The following HSPA4L variants were observed in gnomAD, a reference collection of about 807,000 sequenced individuals.
The protein encoded by HSPA4L is heat shock protein family A (Hsp70) member 4 like.
A neutral mutation model predicts 100.3 loss-of-function variants in HSPA4L; 48 were observed. That is an observed-to-expected ratio of 0.48 (90% CI 0.38 to 0.61). The LOEUF is 0.61. HSPA4L is among the 20% of genes least tolerant of loss of function. HSPA4L has a pLI of 0.00. For missense variants in HSPA4L, 886 were observed against 988.6 expected (o/e 0.90, Z 1.39); for synonymous variants, 319 against 328.2 (o/e 0.97, Z 0.30).
intron 4 of HSPA4L, among the ~76,000 whole-genome samples, chr4:127,800,357 A>G (rs1167012051): frequency 6.6e-6 from 1 of 151,948 alleles, no homozygotes; most frequent in Non-Finnish European, 1.5e-5. Flanking sequence ...AGTCTCAGCT[A>G]CTCAGGGGGC....
Position 127,805,703 on chromosome 4 carries a change from C to T in HSPA4L, c.1154C>T (p.Pro385Leu). Residue 385 changes from proline (P) to leucine (L), a missense_variant, in exon 10 of 19, where the codon CCA (proline) becomes CTA (leucine). Pro to Leu is a moderately conservative substitution (Grantham distance 98). Coordinates refer to ENST00000296464, the MANE Select transcript of HSPA4L (RefSeq NM_014278.4). ...TATTTTCAGTGTGCGATTCTCTCACCAGCATTTAAAGTGCGTGAATTTTCC... is the reference window on the plus strand; with the variant it reads ...TATTTTCAGTGTGCGATTCTCTCACTAGCATTTAAAGTGCGTGAATTTTCC... ...GCALQCAILS[P>L]AFKVREFSIT... 1.2e-6 allele frequency: 2 copies of T among 1,611,296 alleles called. No individual in the cohort carries two copies. Among genetic ancestry groups the T allele is most frequent in the Non-Finnish European group, 1.7e-6 (2 of 1,178,088 alleles).
At chr4:127,809,564 A>G (rs1733469098) in intron 11 of HSPA4L, 1 of 705,022 alleles carries the variant, frequency 1.4e-6, no homozygotes, top group Admixed American at 2.1e-5. Flanking sequence ...GTGACTTTCA[A>G]AATTTTGGTG....
At position 127,820,532 on chromosome 4, in the gene HSPA4L, C is replaced by T. The variant is rs908324075; in HGVS notation, c.1779C>T (p.Gly593=). ...AGAGTAGCCTATGTAGACAACTAGG[C>T]CAAGATCTTCTCAACAGCTACATTG... ...PIQSSLCRQL[G]QDLLNSYIEN... is the part of the protein sequence containing the mutation. The change falls in exon 14 of 19, where the codon GGC becomes GGT. Residue 593 remains glycine, a synonymous_variant. Coordinates refer to ENST00000296464, the MANE Select transcript of HSPA4L (RefSeq NM_014278.4). 1.2e-6 allele frequency: 2 copies of T among 1,600,060 alleles called. No individual in the cohort carries two copies. Among genetic ancestry groups the T allele is most frequent in the Admixed American group, 1.7e-5 (1 of 57,272 alleles).
At chr4:127,805,937 A>C (rs770507380) in intron 10 of HSPA4L, 144 bp downstream of exon 10, 1 of 498,984 alleles carries the variant, frequency 2.0e-6, no homozygotes, top group Admixed American at 3.4e-5. Flanking sequence ...TAAAAATGAT[A>C]TATCACCTAT....
chr4:127,805,721 A>C lies in HSPA4L; in HGVS notation c.1172A>C (p.Glu391Ala), dbSNP rs377432911. 6.2e-7 allele frequency: 1 copy of C among 1,612,794 alleles called. No individual in the cohort carries two copies. Among genetic ancestry groups the C allele is most frequent in the African/African-American group, 1.3e-5 (1 of 75,006 alleles). The change falls in exon 10 of 19, where the codon GAA becomes GCA. Residue 391 changes from glutamate to alanine, a missense_variant. Physicochemically the swap from Glu to Ala is moderately radical, Grantham distance 107. Transcript: ENST00000296464. ...AILSPAFKVREFSITDLVPYS... is the reference protein window; with the variant it reads ...AILSPAFKVRAFSITDLVPYS... ...CTCTCACCAGCATTTAAAGTGCGTGAATTTTCCATAACAGACCTTGTTCCC... is the reference window on the plus strand; with the variant it reads ...CTCTCACCAGCATTTAAAGTGCGTGCATTTTCCATAACAGACCTTGTTCCC...
chr4:127,798,539 T>C (rs1269725259), intron 3 of HSPA4L, 48 bp from the exon 4 acceptor site: 32 of 1,596,584 alleles, frequency 2.0e-5, no homozygotes, highest in Non-Finnish European at 2.7e-5. Flanking sequence ...TGAATATTTG[T>C]TGGATAAACA....
chr4:127,797,520 A>G (rs970233756), intron 3 of HSPA4L, among the ~76,000 whole-genome samples: 10 of 152,094 alleles, frequency 6.6e-5, no homozygotes, highest in African/African-American at 1.9e-4. Context: ...ACTTAAGAAA[A>G]TCAATGTTCA....
In HSPA4L at chr4:127,818,545, T is replaced by G. The variant is rs965828590; in HGVS notation, c.1674+125T>G. ...AGAATTGTGAGAGAATATAGAAAGC[T>G]GATAGCCAGAATAAATATACTTTAA... On this transcript the variant is annotated intron_variant, in intron 13 of 18. Transcript: ENST00000296464. 3 of 515,202 alleles carry G rather than the reference T, an allele frequency of 5.8e-6. No individual in the cohort carries two copies. In the South Asian group the frequency reaches 1.4e-4, roughly 25 times the overall value. 31.9% of individuals were successfully genotyped at this position (515,202 alleles called of 1,614,324 possible).
At chr4:127,810,962 G>T (rs1049489250) in intron 11 of HSPA4L, among the ~76,000 whole-genome samples, 1 of 152,082 alleles carries the variant, frequency 6.6e-6, no homozygotes, top group Non-Finnish European at 1.5e-5. Flanking sequence ...CATTGATAAT[G>T]ATCTCTGCAG....
intron 11 of HSPA4L, chr4:127,809,354 T>G: frequency 1.7e-6 from 2 of 1,152,476 alleles, no homozygotes; most frequent in Non-Finnish European, 2.6e-6. Context: ...CGCAGTATAT[T>G]GCAGCCCAGC....
chr4:127,803,204 A>G (rs1338072452), intron 6 of HSPA4L, among the ~76,000 whole-genome samples: 1 of 152,044 alleles, frequency 6.6e-6, no homozygotes, highest in African/African-American at 2.4e-5. Context: ...AAATTGACCA[A>G]TTATGGTATT....
intron 4 of HSPA4L, 136 bp downstream of exon 4, chr4:127,798,845 A>T (rs536802499): frequency 7.9e-5 from 59 of 749,650 alleles, no homozygotes; most frequent in South Asian, 4.5e-4. Flanking sequence ...CTTTCTTTTT[A>T]AAAAAACTGC....
In HSPA4L at chr4:127,840,307, A is replaced by AC. The variant is rs60145460; in HGVS notation, c.*7433_*7434insC. 1 allele frequency: 152,050 copies of AC among 152,364 alleles called. 75,868 individuals carry two copies. The highest frequency in any genetic ancestry group is 1 in the East Asian group (5,188 of 5,188). 9.4% of individuals were successfully genotyped at this position (152,364 alleles called of 1,614,324 possible). On this transcript the variant is annotated 3_prime_UTR_variant, in exon 19 of 19. Transcript: ENST00000296464. ...AATAACTTTTGGCAGTTTAGTTCCT[A>AC]ATGTTAACAATTCCTCTTTTTAAGA... is the stretch of plus-strand genomic sequence containing the variant.
At position 127,835,328 on chromosome 4, in the gene HSPA4L, T is replaced by C. The variant is rs982589199; in HGVS notation, c.*2454T>C. The C allele has an allele frequency of 6.6e-6, 1 of 152,238 alleles. No homozygotes were observed. The highest frequency in any genetic ancestry group is 1.5e-5 in the Non-Finnish European group (1 of 68,036). The allele number at this position is 152,238 out of a possible 1,614,324, so 9.4% of individuals were successfully genotyped here. On this transcript the variant is annotated 3_prime_UTR_variant, in exon 19 of 19. Transcript: ENST00000296464. ...TGTGGTTTTAGAAACCAACTCTTGA[T>C]AGTTGTACTGTGATTATAAAAAACA...
intron 15 of HSPA4L, 65 bp downstream of exon 15, chr4:127,822,959 C>T: frequency 6.9e-7 from 1 of 1,442,870 alleles, no homozygotes. Context: ...AATGCTAGTA[C>T]AAATTACATA....
Position 127,811,217 on chromosome 4 carries a change from G to C in HSPA4L, c.1379-220G>C, listed in dbSNP as rs1025400313. 4.7e-5 allele frequency among the ~76,000 whole-genome samples: 7 copies of C among 149,310 alleles called. No individual in the cohort carries two copies. In the Admixed American group the frequency reaches 4.7e-4, roughly 10 times the overall value. On this transcript the variant is annotated intron_variant, in intron 11 of 18. Transcript: ENST00000296464. The stretch of plus-strand genomic sequence containing the variant: ...TTCCTAGCATTGATGATTTTGAGCA[G>C]GTTACTTAAGCTTCCTGAGACTTAA...
At chr4:127,820,377 T>A (rs1733775957) in intron 13 of HSPA4L, 51 bp from the exon 14 acceptor site, 1 of 1,490,956 alleles carries the variant, frequency 6.7e-7, no homozygotes, top group Non-Finnish European at 9.0e-7. Flanking sequence ...ACCTCTTAAA[T>A]CTATTTTTAA....
At chr4:127,795,448 C>T (rs147702947) in intron 2 of HSPA4L, among the ~76,000 whole-genome samples, 3 of 152,098 alleles carry the variant, frequency 2.0e-5, no homozygotes, top group African/African-American at 2.4e-5. Flanking sequence ...AGCAAAAGCT[C>T]GAGGAAAACC....
chr4:127,804,524 T>G (rs1452033419), intron 8 of HSPA4L, among the ~76,000 whole-genome samples: 1 of 151,808 alleles, frequency 6.6e-6, no homozygotes, highest in Admixed American at 6.6e-5. Context: ...GAGAATCACT[T>G]GAACCTGGGA....
Sources: allele counts gnomAD v4.1 joint callset (sites outside exome capture counted in the v4.1 genomes callset), GRCh38; gene constraint gnomAD v4.1.1; transcripts MANE v1.5; gene names NCBI Gene and HGNC (gene_info 2026-07-23, HGNC 2026-07-21).